Variants in PEX5L observed in about 807,000 individuals in gnomAD.
PEX5L encodes the protein PEX5-related protein.
In PEX5L, 30 loss-of-function variants were observed where a neutral mutation model predicts 84.0. The observed-to-expected ratio is 0.36, with a 90% CI of 0.27 to 0.48. The LOEUF is 0.48. Ranked by LOEUF, PEX5L falls within the 20% of genes least tolerant of loss-of-function variation. The probability of loss-of-function intolerance (pLI) is 0.99; values close to 1 mark genes in which losing one functional copy is unlikely to be tolerated. For synonymous variants in PEX5L, 270 were observed against 283.1 expected (o/e 0.95, Z 0.46); for missense variants, 533 against 754.6 (o/e 0.71, Z 3.44).
intron 1 of PEX5L, among the ~76,000 whole-genome samples, chr3:180,032,491 T>C (rs906612097): frequency 1.3e-5 from 2 of 152,182 alleles, no homozygotes; most frequent in Non-Finnish European, 2.9e-5. Context: ...AGGTGGTTTA[T>C]TGCTATTAGT....
At position 179,797,605 on chromosome 3, in the gene PEX5L, A is replaced by AAATATATATATATATAT. The variant is rs1553807980; in HGVS notation, c.*4222_*4223insATATATATATATATATT. On this transcript the variant is annotated 3_prime_UTR_variant, in exon 15 of 15. Transcript: ENST00000467460. ...AACACTCTTTAAAAAAAAAAAAAAA[A>AAATATATATATATATAT]ATATATATATATATATATATATATA... is the stretch of plus-strand genomic sequence containing the variant. 6.7e-5 allele frequency: 6 copies of AAATATATATATATATAT among 89,172 alleles called. No individual in the cohort carries two copies. The highest frequency in any genetic ancestry group is 2.3e-4 in the African/African-American group (5 of 22,198). 5.5% of individuals were successfully genotyped at this position (89,172 alleles called of 1,614,324 possible).
At position 179,820,632 on chromosome 3, in the gene PEX5L, T is replaced by C. The variant is rs141102070; in HGVS notation, c.823-656A>G. 450 of 152,300 alleles carry C rather than the reference T, an allele frequency of 3.0e-3. 2 individuals are homozygous for C. Among genetic ancestry groups the C allele is most frequent in the Non-Finnish European group, 4.8e-3 (324 of 68,038 alleles). The allele number at this position is 152,300 out of a possible 1,614,324, so 9.4% of individuals were successfully genotyped here. A position where few individuals can be genotyped will look rare whatever the true frequency, so the allele number is the denominator to read the frequency against. On this transcript the variant is annotated intron_variant, in intron 8 of 14. Coordinates refer to ENST00000467460, the MANE Select transcript of PEX5L (RefSeq NM_016559.3). ...TTATGTGGCAGGATTTTTTGAAAAA[T>C]GCTACTTTGTTTTTGTTTCCTTGTA...
chr3:180,016,351 ATATC>A (rs1318272838), intron 1 of PEX5L, among the ~76,000 whole-genome samples: 13 of 152,308 alleles, frequency 8.5e-5, no homozygotes, highest in Middle Eastern at 3.4e-3. Context: ...ATATTTTTAT[ATATC>A]TATCTCTCTA....
At chr3:180,018,880 G>T (rs11928836) in intron 1 of PEX5L, among the ~76,000 whole-genome samples, 23,180 of 151,636 alleles carry the variant, frequency 0.15, 2,213 homozygotes, top group African/African-American at 0.28. Context: ...TCTGTTTTTT[G>T]TTGTTGTTGT....
intron 8 of PEX5L, among the ~76,000 whole-genome samples, chr3:179,858,398 G>GA (rs1744809273): frequency 6.6e-6 from 1 of 151,464 alleles, no homozygotes; most frequent in Non-Finnish European, 1.5e-5. Flanking sequence ...GTTTATTTAG[G>GA]TTTTTTTTCT....
At chr3:179,902,980 T>C (rs906614001) in intron 2 of PEX5L, among the ~76,000 whole-genome samples, 1 of 152,108 alleles carries the variant, frequency 6.6e-6, no homozygotes, top group African/African-American at 2.4e-5. Flanking sequence ...AAAATTAATA[T>C]ACTTCTTGCC....
chr3:180,004,356 T>C (rs1435305603), intron 1 of PEX5L, among the ~76,000 whole-genome samples: 2 of 152,174 alleles, frequency 1.3e-5, no homozygotes, highest in Non-Finnish European at 2.9e-5. Flanking sequence ...ATTTATTTTA[T>C]GGTAAGCATT....
At chr3:179,880,696 T>G (rs1177828047) in intron 4 of PEX5L, among the ~76,000 whole-genome samples, 3 of 152,248 alleles carry the variant, frequency 2.0e-5, no homozygotes, top group Non-Finnish European at 4.4e-5. Flanking sequence ...ATGCCTTTGC[T>G]GTTTAGTATG....
chr3:179,840,001 A>G (rs186697199), intron 8 of PEX5L, among the ~76,000 whole-genome samples: 1 of 152,128 alleles, frequency 6.6e-6, no homozygotes, highest in Admixed American at 6.5e-5. Flanking sequence ...GCCTGGAGGG[A>G]TGAAAGGGTA....
intron 4 of PEX5L, among the ~76,000 whole-genome samples, chr3:179,886,542 A>G (rs1755924557): frequency 6.6e-6 from 1 of 152,194 alleles, no homozygotes; most frequent in Non-Finnish European, 1.5e-5. Context: ...AATCTTTCCA[A>G]TGAACTTACG....
chr3:179,887,858 G>C (rs1756394270), intron 3 of PEX5L, 74 bp from the exon 4 acceptor site: 1 of 980,052 alleles, frequency 1.0e-6, no homozygotes, highest in Admixed American at 1.9e-5. Context: ...ATGCAGCCTT[G>C]CAACAAAATG....
At chr3:179,833,154 G>T (rs1189590019) in intron 8 of PEX5L, among the ~76,000 whole-genome samples, 1 of 152,218 alleles carries the variant, frequency 6.6e-6, no homozygotes, top group African/African-American at 2.4e-5. Flanking sequence ...AGTAATCTGG[G>T]TTTAGCCTGT....
chr3:179,930,895 G>C (rs1022582065), intron 2 of PEX5L, among the ~76,000 whole-genome samples: 1 of 152,046 alleles, frequency 6.6e-6, no homozygotes, highest in Non-Finnish European at 1.5e-5. Flanking sequence ...GTTTTTTTCA[G>C]ACAATCCCTG....
At chr3:179,827,071 C>A (rs1730770660) in intron 8 of PEX5L, among the ~76,000 whole-genome samples, 2 of 152,180 alleles carry the variant, frequency 1.3e-5, no homozygotes, top group South Asian at 4.1e-4. Context: ...ATACTTCATT[C>A]TTTTCTTTGA....
At chr3:179,959,613 C>T (rs1261437473) in intron 2 of PEX5L, among the ~76,000 whole-genome samples, 5 of 151,780 alleles carry the variant, frequency 3.3e-5, no homozygotes, top group African/African-American at 1.2e-4. Flanking sequence ...TTTTCAAAAG[C>T]AGCATTCTAT....
At chr3:179,857,429 C>A (rs1288112079) in intron 8 of PEX5L, among the ~76,000 whole-genome samples, 1 of 151,914 alleles carries the variant, frequency 6.6e-6, no homozygotes, top group African/African-American at 2.4e-5. Flanking sequence ...GTGAGTAGCC[C>A]CTAATTGGAA....
chr3:179,922,734 G>A (rs747765317), intron 2 of PEX5L, among the ~76,000 whole-genome samples: 2 of 151,810 alleles, frequency 1.3e-5, no homozygotes, highest in Non-Finnish European at 1.5e-5. Flanking sequence ...GATTACAGCC[G>A]TGAGCCACTG....
intron 8 of PEX5L, among the ~76,000 whole-genome samples, chr3:179,842,012 A>G (rs1490043142): frequency 1.3e-5 from 2 of 152,218 alleles, no homozygotes; most frequent in Non-Finnish European, 2.9e-5. Flanking sequence ...ATTTATGTAA[A>G]ATGCTCCTGT....
At chr3:180,024,347 A>AAAATATATATATATATATATAT (rs1790708264) in intron 1 of PEX5L, among the ~76,000 whole-genome samples, 1 of 107,636 alleles carries the variant, frequency 9.3e-6, no homozygotes, top group African/African-American at 3.8e-5. Context: ...GTCCCTACTA[A>AAAATATATATATATATATATAT]ATATATATAT....
Sources: allele counts gnomAD v4.1 joint callset (sites outside exome capture counted in the v4.1 genomes callset), GRCh38; gene constraint gnomAD v4.1.1; transcripts MANE v1.5; gene names NCBI Gene and HGNC (gene_info 2026-07-23, HGNC 2026-07-21).